GNA12: variants seen among roughly 807,000 people sequenced by gnomAD.
GNA12 encodes guanine nucleotide-binding protein subunit alpha-12.
GNA12 carries 9 observed loss-of-function variants against 26.0 expected under a neutral mutation model. The observed-to-expected ratio is 0.35, with a 90% CI of 0.21 to 0.60. The LOEUF is 0.60. Ranked by LOEUF, GNA12 falls within the 20% of genes least tolerant of loss-of-function variation. The pLI, the probability that GNA12 is intolerant of heterozygous loss-of-function variation, is 0.78. For synonymous variants in GNA12, 264 were observed against 219.6 expected, an observed-to-expected ratio of 1.20 and a Z score of -1.79; for missense variants, 405 against 525.8, an observed-to-expected ratio of 0.77 and a Z score of 2.25.
chr7:2,756,759 G>T (rs1409935743), intron 2 of GNA12, among the ~76,000 whole-genome samples: 1 of 152,116 alleles, frequency 6.6e-6, no homozygotes, highest in Admixed American at 6.6e-5. Context: ...AGAATATGAT[G>T]GAACATCACT....
chr7:2,745,631 C>G (rs1790728419), intron 2 of GNA12, among the ~76,000 whole-genome samples: 3 of 152,210 alleles, frequency 2.0e-5, no homozygotes, highest in African/African-American at 7.2e-5. Context: ...AAATAGCCAG[C>G]TGACATCATA....
At chr7:2,777,935 T>C (rs1276581997) in intron 2 of GNA12, among the ~76,000 whole-genome samples, 1 of 152,228 alleles carries the variant, frequency 6.6e-6, no homozygotes, top group Non-Finnish European at 1.5e-5. Context: ...TTGTGAGGTG[T>C]CCCTGGTGAT....
chr7:2,738,725 TA>T (rs1351661396), intron 2 of GNA12, among the ~76,000 whole-genome samples: 2 of 152,026 alleles, frequency 1.3e-5, no homozygotes, highest in Non-Finnish European at 2.9e-5. Context: ...AAAAATTAAA[TA>T]AAAAACCAAC....
chr7:2,762,933 G>T, intron 2 of GNA12: 1 of 1,398,424 alleles, frequency 7.2e-7, no homozygotes, highest in Non-Finnish European at 9.3e-7. Flanking sequence ...GGACGCCCCA[G>T]ACACTCCCGT....
intron 1 of GNA12, among the ~76,000 whole-genome samples, chr7:2,804,980 T>A (rs1321939808): frequency 6.6e-6 from 1 of 151,918 alleles, no homozygotes; most frequent in African/African-American, 2.4e-5. Flanking sequence ...TTATCAAACA[T>A]GATGTGTGCA....
intron 2 of GNA12, among the ~76,000 whole-genome samples, chr7:2,737,115 C>T (rs975178049): frequency 1.3e-5 from 2 of 152,040 alleles, no homozygotes; most frequent in African/African-American, 2.4e-5. Context: ...AAAAGGTAAC[C>T]GTGGATTGGT....
intron 2 of GNA12, among the ~76,000 whole-genome samples, chr7:2,763,989 G>A (rs1348211713): frequency 2.0e-5 from 3 of 152,186 alleles, no homozygotes; most frequent in Non-Finnish European, 2.9e-5. Flanking sequence ...AACAGGGTAC[G>A]CACCTAAAGT....
At chr7:2,741,861 T>C (rs2115330317) in intron 2 of GNA12, among the ~76,000 whole-genome samples, 2 of 150,704 alleles carry the variant, frequency 1.3e-5, no homozygotes, top group East Asian at 3.9e-4. Flanking sequence ...CTAGGATGAC[T>C]GTCTCATAAT....
In GNA12 at chr7:2,812,098, G is replaced by C. The variant is rs558679856; in HGVS notation, c.310-16955C>G. Among the ~76,000 whole-genome samples, 54 of 152,340 alleles carry C rather than the reference G, an allele frequency of 3.5e-4. No individual in the cohort carries two copies. The South Asian group carries it at 4.1e-3, about 12-fold the overall frequency. On this transcript the variant is annotated intron_variant, in intron 1 of 3. Coordinates refer to ENST00000275364, the MANE Select transcript of GNA12 (RefSeq NM_007353.3). ...CCTGAAAAAACTCTCAAGAGAACTT[G>C]CGTTTCAGGCAACTCCTCACCAAAA...
At chr7:2,815,769 A>C (rs561059366) in intron 1 of GNA12, among the ~76,000 whole-genome samples, 1 of 152,192 alleles carries the variant, frequency 6.6e-6, no homozygotes, top group Non-Finnish European at 1.5e-5. Context: ...CTGTGAGCAC[A>C]AGCTCCTTCC....
chr7:2,747,096 G>C (rs1237955212), intron 2 of GNA12, among the ~76,000 whole-genome samples: 1 of 152,230 alleles, frequency 6.6e-6, no homozygotes, highest in African/African-American at 2.4e-5. Flanking sequence ...GAGGTACAAG[G>C]AGGAGCTGGC....
At chr7:2,769,015 T>C (rs1791883277) in intron 2 of GNA12, among the ~76,000 whole-genome samples, 1 of 152,244 alleles carries the variant, frequency 6.6e-6, no homozygotes, top group Non-Finnish European at 1.5e-5. Flanking sequence ...GCAGTTCTCC[T>C]GCCTCAGCCT....
At chr7:2,764,814 A>C (rs980650462) in intron 2 of GNA12, 1 of 152,214 alleles carries the variant, frequency 6.6e-6, no homozygotes, top group Non-Finnish European at 1.5e-5. Context: ...CCTGAAGGGA[A>C]CACTGAGACT....
intron 1 of GNA12, among the ~76,000 whole-genome samples, chr7:2,796,425 C>A (rs541127986): frequency 1.3e-5 from 2 of 152,122 alleles, no homozygotes; most frequent in African/African-American, 2.4e-5. Context: ...CTGTGGATAA[C>A]GGGAGATGAC....
At position 2,799,620 on chromosome 7, in the gene GNA12, T is replaced by G. The variant is rs112433606; in HGVS notation, c.310-4477A>C. 9.9e-3 allele frequency among the ~76,000 whole-genome samples: 1,477 copies of G among 149,534 alleles called. 10 individuals carry two copies. Among genetic ancestry groups the G allele is most frequent in the Middle Eastern group, 0.076 (22 of 290 alleles). On this transcript the variant is annotated intron_variant, in intron 1 of 3. Transcript: ENST00000275364. ...CTCAACAGTTTAAAAAGCAAACAAA[T>G]CCAGTTAGAAAATGGGCAAAATTCA... is the stretch of plus-strand genomic sequence containing the variant.
intron 2 of GNA12, among the ~76,000 whole-genome samples, chr7:2,766,367 A>G (rs1316227358): frequency 6.7e-6 from 1 of 148,860 alleles, no homozygotes; most frequent in African/African-American, 2.5e-5. Context: ...TCCATTGATG[A>G]ACATTTGGGT....
rs139941301 is a variant in GNA12, at chr7:2,813,540, G to T, written c.310-18397C>A. On this transcript the variant is annotated intron_variant, in intron 1 of 3. Coordinates refer to ENST00000275364, the MANE Select transcript of GNA12 (RefSeq NM_007353.3). The stretch of plus-strand genomic sequence containing the variant: ...ACAATATCTGCTATACCTCCAGAGG[G>T]AGAGGCTGGGGACATTCCGGGAGAG... Among the ~76,000 whole-genome samples, 247 of 152,310 alleles carry T rather than the reference G, an allele frequency of 1.6e-3. 1 individual carries two copies. The highest frequency in any genetic ancestry group is 0.01 in the Middle Eastern group (3 of 294).
rs1242443793 is a variant in GNA12, at chr7:2,731,073, A to ACGGATC, written c.*102_*107dup. On this transcript the variant is annotated 3_prime_UTR_variant, in exon 4 of 4. Coordinates refer to ENST00000275364, the MANE Select transcript of GNA12 (RefSeq NM_007353.3). The surrounding 1 kb of genome is among the most constrained non-coding windows in gnomAD (Gnocchi z 6.0). ...ATTCCTGAGCCAGGTATTCCAGGGC[A>ACGGATC]CGGATCCGAGAAACCCACTCAAGGA... 7.1e-6 allele frequency: 5 copies of ACGGATC among 706,320 alleles called. No homozygotes were observed. In the African/African-American group the frequency reaches 8.8e-5, roughly 12 times the overall value. 43.8% of individuals were successfully genotyped at this position (706,320 alleles called of 1,614,324 possible).
chr7:2,733,267 C>T (rs890109294), intron 3 of GNA12, among the ~76,000 whole-genome samples, 184 bp downstream of exon 3: 1 of 152,212 alleles, frequency 6.6e-6, no homozygotes, highest in African/African-American at 2.4e-5. Flanking sequence ...TTCCTCCCCT[C>T]CCCACTGAGA....
Sources: allele counts gnomAD v4.1 joint callset (sites outside exome capture counted in the v4.1 genomes callset), GRCh38; gene constraint gnomAD v4.1.1; non-coding constraint Gnocchi (gnomAD v3.1); transcripts MANE v1.5; gene names NCBI Gene and HGNC (gene_info 2026-07-23, HGNC 2026-07-21).